The following WDR41 variants were observed in gnomAD, a reference collection of about 807,000 sequenced individuals.
WDR41 encodes WD repeat-containing protein 41.
WDR41 carries 63 observed loss-of-function variants against 69.3 expected under a neutral mutation model. The observed-to-expected ratio is 0.91, with a 90% CI of 0.74 to 1.12. The LOEUF is 1.12. WDR41 is among the 50% of genes most tolerant of loss of function. The pLI is 0.00. For missense variants in WDR41, 543 were observed against 534.5 expected (o/e 1.02, Z -0.16); for synonymous variants, 185 against 192.1 (o/e 0.96, Z 0.31).
chr5:77,548,382 A>T (rs773352497), intron 1 of WDR41, among the ~76,000 whole-genome samples: 8 of 152,264 alleles, frequency 5.3e-5, no homozygotes, highest in Non-Finnish European at 1.2e-4. Flanking sequence ...CAATCTATAC[A>T]TCTGACAAAG....
At chr5:77,516,628 T>G (rs1802294960) in intron 1 of WDR41, among the ~76,000 whole-genome samples, 1 of 152,218 alleles carries the variant, frequency 6.6e-6, no homozygotes, top group South Asian at 2.1e-4. Context: ...GTGTGGCCTC[T>G]GTATTATGAC....
chr5:77,582,590 C>T (rs938961314), intron 1 of WDR41: 14 of 1,600,046 alleles, frequency 8.7e-6, no homozygotes, highest in African/African-American at 4.0e-5. Flanking sequence ...ATTCGAGTGG[C>T]GAGGATGGCA....
At chr5:77,575,680 A>C (rs544325515) in intron 1 of WDR41, among the ~76,000 whole-genome samples, 1 of 152,286 alleles carries the variant, frequency 6.6e-6, no homozygotes, top group African/African-American at 2.4e-5. Flanking sequence ...CACCCCCAGC[A>C]TACAGGAAAA....
Position 77,612,121 on chromosome 5 carries a change from A to G in WDR41, c.42+8358T>C, listed in dbSNP as rs1391760273. 9.9e-5 allele frequency among the ~76,000 whole-genome samples: 15 copies of G among 152,226 alleles called. No individual in the cohort carries two copies. In the East Asian group the frequency reaches 2.9e-3, roughly 29 times the overall value. ...AAGTTGAATCTCTGAATAGACCAAT[A>G]ACAGGCTCTGAAATTGTGACGATAA... is the stretch of plus-strand genomic sequence containing the variant. On this transcript the variant is annotated intron_variant, in intron 1 of 5. Transcript: ENST00000509971.
chr5:77,500,736 A>G (rs759874993), intron 1 of WDR41, among the ~76,000 whole-genome samples: 4 of 152,236 alleles, frequency 2.6e-5, no homozygotes, highest in Non-Finnish European at 5.9e-5. Flanking sequence ...ATCATAATGA[A>G]AATCCCAGAG....
intron 2 of WDR41, among the ~76,000 whole-genome samples, chr5:77,485,720 G>A (rs568315739): frequency 3.9e-5 from 6 of 152,054 alleles, no homozygotes; most frequent in Admixed American, 1.3e-4. Context: ...TCATCAATAC[G>A]ACCCTCACTT....
chr5:77,510,473 G>A (rs1561210675), intron 1 of WDR41, among the ~76,000 whole-genome samples: 1 of 152,138 alleles, frequency 6.6e-6, no homozygotes, highest in Non-Finnish European at 1.5e-5. Flanking sequence ...GGAAATGAGT[G>A]CATTCATAAA....
chr5:77,456,159 A>G (rs938978552), intron 5 of WDR41, among the ~76,000 whole-genome samples: 4 of 152,230 alleles, frequency 2.6e-5, no homozygotes, highest in East Asian at 3.9e-4. Flanking sequence ...TTTTTGGTAT[A>G]TAAGTCTCAT....
rs1652242815 is a variant in WDR41, at chr5:77,449,779, G to A, written c.678C>T (p.Leu226=). ...GCTTACCATTGACATTAATCAATGA[G>A]AGAATATTATCCTGGTGATCAAGGA... ...KRLLDHQDNI[L]SLINVNDLSF... The change falls in exon 8 of 13, where the codon CTC becomes CTT. Residue 226 remains leucine (L), a synonymous_variant. Transcript: ENST00000296679. 6.2e-7 allele frequency: 1 copy of A among 1,610,706 alleles called. No homozygotes were observed. The highest frequency in any genetic ancestry group is 8.5e-7 in the Non-Finnish European group (1 of 1,177,044).
chr5:77,528,588 T>C (rs1802481811), intron 1 of WDR41, among the ~76,000 whole-genome samples: 1 of 151,500 alleles, frequency 6.6e-6, no homozygotes, highest in African/African-American at 2.4e-5. Context: ...AAAAGAAAAA[T>C]TACTAGCCAA....
intron 2 of WDR41, among the ~76,000 whole-genome samples, chr5:77,483,550 T>G (rs1801382666): frequency 6.6e-6 from 1 of 151,962 alleles, no homozygotes; most frequent in African/African-American, 2.4e-5. Flanking sequence ...TTGATATACT[T>G]CTTTTTCGCT....
chr5:77,486,900 G>T (rs1472796797), intron 2 of WDR41, among the ~76,000 whole-genome samples: 1 of 149,582 alleles, frequency 6.7e-6, no homozygotes, highest in Non-Finnish European at 1.5e-5. Context: ...GAGCATATAG[G>T]TAACTAACAT....
intron 1 of WDR41, among the ~76,000 whole-genome samples, chr5:77,573,540 CCTACTAACT>C (rs552524640): frequency 5.3e-5 from 8 of 152,258 alleles, no homozygotes; most frequent in African/African-American, 1.9e-4. Context: ...TAGATCTTCC[CCTACTAACT>C]CTTCATGGTA....
At chr5:77,452,523 A>G (rs1339757314) in intron 6 of WDR41, 1 of 152,210 alleles carries the variant, frequency 6.6e-6, no homozygotes, top group African/African-American at 2.4e-5. Flanking sequence ...TTCCAAACAC[A>G]GAATAACTGC....
intron 1 of WDR41, among the ~76,000 whole-genome samples, chr5:77,547,243 T>C (rs972265338): frequency 9.9e-5 from 15 of 152,020 alleles, no homozygotes; most frequent in Admixed American, 5.2e-4. Context: ...ACTACTCTTC[T>C]TCATCATAGT....
rs184664110 is a variant in WDR41 at position 77,459,563 on chromosome 5, C to T, written c.349-439G>A. ...ATGATTTACTACTGTTATCTTGATT[C>T]GAGAAGACACTAACAGTGTATTACT... On this transcript the variant is annotated intron_variant, in intron 4 of 12. Transcript: ENST00000296679. Among the ~76,000 whole-genome samples, 10 of 152,174 alleles carry T rather than the reference C, an allele frequency of 6.6e-5. No homozygotes were observed. The East Asian group carries it at 1.2e-3, about 18-fold the overall frequency.
chr5:77,433,729 C>A (rs899079398), intron 12 of WDR41, among the ~76,000 whole-genome samples: 4 of 151,156 alleles, frequency 2.6e-5, no homozygotes, highest in African/African-American at 9.7e-5. Flanking sequence ...TGGTCCCTAC[C>A]CTCAAGAAGA....
intron 1 of WDR41, among the ~76,000 whole-genome samples, chr5:77,505,110 G>A (rs1482558573): frequency 6.6e-6 from 1 of 152,146 alleles, no homozygotes; most frequent in Non-Finnish European, 1.5e-5. Flanking sequence ...TGACATGATT[G>A]TATATTTAGA....
intron 2 of WDR41, among the ~76,000 whole-genome samples, chr5:77,477,393 A>C (rs1800992369): frequency 8.4e-6 from 1 of 118,904 alleles, no homozygotes; most frequent in African/African-American, 4.1e-5. Context: ...ACCACACCAC[A>C]CCTATTCCAA....
Sources: gnomAD v4.1 joint callset for allele counts (sites outside exome capture counted in the v4.1 genomes callset) on GRCh38, gnomAD v4.1.1 for gene constraint, MANE v1.5 for transcripts, NCBI Gene and HGNC (gene_info 2026-07-23, HGNC 2026-07-21) for gene names.